Variants in ALKBH3 observed in about 807,000 individuals in gnomAD.
ALKBH3 encodes the protein alkB homolog 3, alpha-ketoglutarate dependent dioxygenase.
Under a neutral mutation model 43.9 loss-of-function variants are expected in ALKBH3, and 51 were observed. The observed-to-expected ratio is 1.16, with a 90% CI of 0.93 to 1.47. ALKBH3 has a LOEUF of 1.47. Ranked by LOEUF, ALKBH3 falls within the 40% of genes most tolerant of loss-of-function variation. ALKBH3 has a pLI of 0.00. For synonymous variants in ALKBH3, 102 were observed against 115.2 expected, an observed-to-expected ratio of 0.89 and a Z score of 0.73; for missense variants, 361 against 351.9, an observed-to-expected ratio of 1.03 and a Z score of -0.21.
intron 6 of ALKBH3, 25 bp downstream of exon 6, chr11:43,889,853 T>A: frequency 6.3e-7 from 1 of 1,575,744 alleles, no homozygotes; most frequent in Non-Finnish European, 8.7e-7. Context: ...GAGGTCACAG[T>A]TGGTGCTGCG....
At chr11:43,902,910 G>T (rs188128706) in intron 8 of ALKBH3, among the ~76,000 whole-genome samples, 306 of 152,268 alleles carry the variant, frequency 2.0e-3, no homozygotes, top group African/African-American at 7.2e-3. Context: ...GCTGATTTTT[G>T]AATAGACCTA....
Position 43,901,658 on chromosome 11 carries a change from G to T in ALKBH3, c.602G>T (p.Cys201Phe), listed in dbSNP as rs763571820. Residue 201 changes from cysteine (C) to phenylalanine (F), a missense_variant, in exon 8 of 10, where the codon TGC becomes TTC. Coordinates refer to ENST00000302708, the MANE Select transcript of ALKBH3 (RefSeq NM_139178.4). ...HSDDEPSLGR[C>F]PIIASLSFGA... ...GATGATGAACCCTCACTAGGGAGGTGCCCCATTATTGCTTCACTAAGTTTT... is the reference window on the plus strand; with the variant it reads ...GATGATGAACCCTCACTAGGGAGGTTCCCCATTATTGCTTCACTAAGTTTT... 8 of 1,614,248 alleles carry T rather than the reference G, an allele frequency of 5.0e-6. No homozygotes were observed. The highest frequency in any genetic ancestry group is 5.9e-6 in the Non-Finnish European group (7 of 1,180,042).
chr11:43,917,893 CT>C (rs1206065988), intron 8 of ALKBH3, among the ~76,000 whole-genome samples: 1 of 152,220 alleles, frequency 6.6e-6, no homozygotes, highest in East Asian at 1.9e-4. Flanking sequence ...GACAAAGTTA[CT>C]GCCAAAAGTT....
intron 9 of ALKBH3, 31 bp from the exon 10 acceptor site, chr11:43,919,887 T>G (rs758013418): frequency 4.4e-6 from 7 of 1,582,928 alleles, no homozygotes; most frequent in Non-Finnish European, 6.1e-6. Flanking sequence ...ATGTGTGTAT[T>G]TATGTCAGAG....
intron 4 of ALKBH3, 105 bp from the exon 5 acceptor site, chr11:43,886,501 C>T (rs1445202475): frequency 1.8e-6 from 2 of 1,084,060 alleles, no homozygotes; most frequent in South Asian, 2.8e-5. Flanking sequence ...AACTAAATGA[C>T]TTTGGTGAGC....
At chr11:43,908,754 C>T (rs11603980) in intron 8 of ALKBH3, among the ~76,000 whole-genome samples, 7,870 of 152,246 alleles carry the variant, frequency 0.052, 320 homozygotes, top group Non-Finnish European at 0.07. Flanking sequence ...GAACAGTAAA[C>T]GCTGTCAGCA....
At chr11:43,901,458 G>A in intron 7 of ALKBH3, 58 bp from the exon 8 acceptor site, 1 of 1,591,474 alleles carries the variant, frequency 6.3e-7, no homozygotes, top group South Asian at 1.1e-5. Flanking sequence ...TTTCCATGCG[G>A]CTGTCATTTT....
chr11:43,899,599 G>A lies in ALKBH3; in HGVS notation c.460-1917G>A. On this transcript the variant is annotated intron_variant, in intron 7 of 9. Coordinates refer to ENST00000302708, the MANE Select transcript of ALKBH3 (RefSeq NM_139178.4). ...CTGCACCTAGTGTGCAGAGGAGATG[G>A]CCGCCCCTCCTCGGACAGCCAGCTC... is the stretch of plus-strand genomic sequence containing the variant. 1.8e-5 allele frequency: 10 copies of A among 555,770 alleles called. No homozygotes were observed. The South Asian group carries it at 1.9e-4, about 10-fold the overall frequency. 34.4% of individuals were successfully genotyped at this position (555,770 alleles called of 1,614,324 possible).
At chr11:43,896,296 C>T (rs919623768) in intron 7 of ALKBH3, among the ~76,000 whole-genome samples, 1 of 144,840 alleles carries the variant, frequency 6.9e-6, no homozygotes, top group Non-Finnish European at 1.5e-5. Flanking sequence ...CACACACACA[C>T]ACACGTATAT....
intron 8 of ALKBH3, chr11:43,916,777 A>G (rs1951986578): frequency 6.6e-6 from 1 of 152,180 alleles, no homozygotes; most frequent in East Asian, 1.9e-4. Flanking sequence ...GTCTCCATGC[A>G]TCTTGCTTCA....
chr11:43,902,660 G>A (rs1379862238), intron 8 of ALKBH3, among the ~76,000 whole-genome samples: 5 of 152,180 alleles, frequency 3.3e-5, no homozygotes, highest in Admixed American at 2.6e-4. Context: ...CAAGTGGCAC[G>A]ATCTCGGCTC....
Position 43,905,828 on chromosome 11 carries a change from T to C in ALKBH3, c.669+4103T>C, listed in dbSNP as rs145965921. Among the ~76,000 whole-genome samples the C allele has an allele frequency of 4.2e-3, 642 of 152,344 alleles. 3 individuals are homozygous for C. Among genetic ancestry groups the C allele is most frequent in the Non-Finnish European group, 7.4e-3 (505 of 68,028 alleles). ...TTCCTGTTTGCAAAGATTAGTCTGG[T>C]TCTTTTCCCAGCTAGTTTTAATTCT... On this transcript the variant is annotated intron_variant, in intron 8 of 9. Transcript: ENST00000302708.
intron 3 of ALKBH3, 96 bp from the exon 4 acceptor site, chr11:43,883,887 T>G: frequency 6.8e-7 from 1 of 1,464,694 alleles, no homozygotes; most frequent in Non-Finnish European, 9.4e-7. Flanking sequence ...AGATAGTTTT[T>G]AACTTTATTT....
At chr11:43,912,154 G>A in intron 8 of ALKBH3, 1 of 152,550 alleles carries the variant, frequency 6.6e-6, no homozygotes, top group East Asian at 1.9e-4. Context: ...AACAAGAAGG[G>A]AGCATAGAGC....
rs568343447 is a variant in ALKBH3, at chr11:43,891,782, C to T, written c.371-259C>T. The stretch of plus-strand genomic sequence containing the variant: ...ACTCTTTGCCCTCTCTTGTTTATGT[C>T]ATCACTAATACAAGCAAGTCACCCA... On this transcript the variant is annotated intron_variant, in intron 6 of 9. Transcript: ENST00000302708. Among the ~76,000 whole-genome samples the T allele has an allele frequency of 5.9e-5, 9 of 152,326 alleles. No homozygotes were observed. The South Asian group carries it at 1.9e-3, about 32-fold the overall frequency.
At chr11:43,889,507 A>G (rs897122426) in intron 5 of ALKBH3, among the ~76,000 whole-genome samples, 1 of 152,050 alleles carries the variant, frequency 6.6e-6, no homozygotes, top group Non-Finnish European at 1.5e-5. Flanking sequence ...TTTATCCTTC[A>G]TTGCCTCTTT....
At chr11:43,900,039 A>G (rs1951850549) in intron 7 of ALKBH3, among the ~76,000 whole-genome samples, 1 of 149,244 alleles carries the variant, frequency 6.7e-6, no homozygotes, top group Admixed American at 6.8e-5. Context: ...GAATGCAGAA[A>G]CAAATATGAG....
At chr11:43,900,889 A>C (rs2135192210) in intron 7 of ALKBH3, among the ~76,000 whole-genome samples, 1 of 152,326 alleles carries the variant, frequency 6.6e-6, no homozygotes, top group East Asian at 1.9e-4. Context: ...AGTCTTCTGT[A>C]GTTGATGGCT....
intron 7 of ALKBH3, among the ~76,000 whole-genome samples, chr11:43,895,406 G>A (rs1479951187): frequency 1.3e-5 from 2 of 152,172 alleles, no homozygotes; most frequent in African/African-American, 2.4e-5. Context: ...GCTCTTGCCT[G>A]CTGCCATGTA....
Sources: gnomAD v4.1 joint callset for allele counts (sites outside exome capture counted in the v4.1 genomes callset) on GRCh38, gnomAD v4.1.1 for gene constraint, MANE v1.5 for transcripts, NCBI Gene and HGNC (gene_info 2026-07-23, HGNC 2026-07-21) for gene names.